Variants in MYRIP observed in about 807,000 individuals in gnomAD.
MYRIP encodes rab effector MyRIP.
MYRIP carries 49 observed loss-of-function variants against 98.0 expected under a neutral mutation model. That is an observed-to-expected ratio of 0.50 (90% CI 0.40 to 0.63). MYRIP has a LOEUF of 0.63. Among genes scored for constraint, MYRIP ranks in the 30% least tolerant of loss-of-function variants. The pLI is 0.00. For synonymous variants in MYRIP, 404 were observed against 409.5 expected, an observed-to-expected ratio of 0.99 and a Z score of 0.16; for missense variants, 1,004 against 1,058.2, an observed-to-expected ratio of 0.95 and a Z score of 0.71.
Position 40,258,322 on chromosome 3 carries a change from T to C in MYRIP, c.*156T>C. The C allele has an allele frequency of 2.5e-6, 2 of 790,936 alleles. No individual in the cohort carries two copies. Among genetic ancestry groups the C allele is most frequent in the Admixed American group, 4.3e-5 (2 of 46,942 alleles). 49.0% of individuals were successfully genotyped at this position (790,936 alleles called of 1,614,324 possible). A position where few individuals can be genotyped will look rare whatever the true frequency, so the allele number is the denominator to read the frequency against. ...TGCACAGGGCTGTCCTGATACCTCA[T>C]CCAGAAAGCCGTCTCAGACTTCAGC... On this transcript the variant is annotated 3_prime_UTR_variant, in exon 17 of 17. Coordinates refer to ENST00000302541, the MANE Select transcript of MYRIP (RefSeq NM_015460.4).
chr3:39,849,105 A>G (rs1355216068), intron 1 of MYRIP, among the ~76,000 whole-genome samples: 2 of 152,198 alleles, frequency 1.3e-5, no homozygotes, highest in African/African-American at 2.4e-5. Flanking sequence ...ATCCTATAGG[A>G]TATAGATATA....
intron 2 of MYRIP, among the ~76,000 whole-genome samples, chr3:39,983,287 G>A (rs531215009): frequency 3.9e-5 from 6 of 152,288 alleles, no homozygotes; most frequent in Admixed American, 1.3e-4. Flanking sequence ...GCAGAGGAAA[G>A]CAAATCTAAA....
At chr3:40,102,340 T>C (rs1351931335) in intron 3 of MYRIP, among the ~76,000 whole-genome samples, 2 of 152,222 alleles carry the variant, frequency 1.3e-5, no homozygotes, top group Non-Finnish European at 2.9e-5. Flanking sequence ...TTGTAATTCC[T>C]GAGCCTTGAT....
Position 40,162,925 on chromosome 3 carries a change from A to C in MYRIP, c.550+115A>C. On this transcript the variant is annotated intron_variant, in intron 5 of 16. Transcript: ENST00000302541. ...ATTGTTACCCCAGATGCAACTATCTACTACTGTGTGTGAGTCTCCCTGGGT... is the reference window on the plus strand; with the variant it reads ...ATTGTTACCCCAGATGCAACTATCTCCTACTGTGTGTGAGTCTCCCTGGGT... 3.3e-6 allele frequency: 3 copies of C among 898,978 alleles called. No individual in the cohort carries two copies. The South Asian group carries it at 4.5e-5, about 14-fold the overall frequency. 55.7% of individuals were successfully genotyped at this position (898,978 alleles called of 1,614,324 possible).
intron 11 of MYRIP, among the ~76,000 whole-genome samples, chr3:40,221,941 G>C (rs968919694): frequency 3.9e-5 from 6 of 152,216 alleles, no homozygotes; most frequent in Non-Finnish European, 8.8e-5. Context: ...TCAGATAACA[G>C]ATGGGACATA....
intron 2 of MYRIP, among the ~76,000 whole-genome samples, chr3:39,990,488 T>C (rs1169862970): frequency 6.6e-6 from 1 of 152,200 alleles, no homozygotes; most frequent in Non-Finnish European, 1.5e-5. Flanking sequence ...TAAAGATAGC[T>C]CACTGCTCAT....
At chr3:40,038,910 C>T (rs1433603181) in intron 2 of MYRIP, among the ~76,000 whole-genome samples, 14 of 152,062 alleles carry the variant, frequency 9.2e-5, no homozygotes, top group Admixed American at 8.5e-4. Context: ...TCTAACCAGC[C>T]ATGAAGGGCC....
intron 1 of MYRIP, among the ~76,000 whole-genome samples, chr3:39,895,270 T>A (rs1943577476): frequency 6.6e-6 from 1 of 151,954 alleles, no homozygotes; most frequent in Non-Finnish European, 1.5e-5. Context: ...TACTGCAACC[T>A]TCGCCTCCCG....
chr3:39,897,983 A>G (rs1024510536), intron 1 of MYRIP, among the ~76,000 whole-genome samples: 1 of 152,152 alleles, frequency 6.6e-6, no homozygotes, highest in African/African-American at 2.4e-5. Context: ...GGAAACTCCA[A>G]AATGCCATTA....
At position 40,115,630 on chromosome 3, in the gene MYRIP, C is replaced by T. The variant is rs957985878; in HGVS notation, c.333-35418C>T. 1.2e-4 allele frequency among the ~76,000 whole-genome samples: 18 copies of T among 152,154 alleles called. No individual in the cohort carries two copies. The South Asian group carries it at 3.7e-3, about 32-fold the overall frequency. Reference sequence around the variant, plus strand: ...AGAGCCAAACCACATCACTAAGGATCCAGAGTTAGAATCTAAGAACTGAGC... The same window carrying T: ...AGAGCCAAACCACATCACTAAGGATTCAGAGTTAGAATCTAAGAACTGAGC... On this transcript the variant is annotated intron_variant, in intron 3 of 16. Transcript: ENST00000302541.
intron 3 of MYRIP, among the ~76,000 whole-genome samples, chr3:40,110,703 C>T (rs551650171): frequency 5.3e-4 from 80 of 152,242 alleles, no homozygotes; most frequent in African/African-American, 1.9e-3. Flanking sequence ...ACATACATGT[C>T]CAAGGCTGGG....
chr3:40,152,787 C>T lies in MYRIP; in HGVS notation c.469+1603C>T, dbSNP rs1040608216. Among the ~76,000 whole-genome samples the T allele has an allele frequency of 2.0e-5, 3 of 152,066 alleles. No homozygotes were observed. The East Asian group carries it at 5.8e-4, about 29-fold the overall frequency. On this transcript the variant is annotated intron_variant, in intron 4 of 16. Coordinates refer to ENST00000302541, the MANE Select transcript of MYRIP (RefSeq NM_015460.4). ...AAGCGTGGCTCAAGGCCTGGCACAT[C>T]TTATATCCTCATTATTGTACTAGTT...
At chr3:39,817,110 G>A (rs993487582) in intron 1 of MYRIP, among the ~76,000 whole-genome samples, 8 of 152,186 alleles carry the variant, frequency 5.3e-5, no homozygotes, top group Non-Finnish European at 1.0e-4. Context: ...ATTCATTGTA[G>A]AATAGAATTG....
At chr3:39,872,088 T>C (rs1942809819) in intron 1 of MYRIP, among the ~76,000 whole-genome samples, 1 of 152,046 alleles carries the variant, frequency 6.6e-6, no homozygotes. Flanking sequence ...TTTTCTAATC[T>C]TCCAGCTTTA....
intron 1 of MYRIP, among the ~76,000 whole-genome samples, chr3:39,842,742 G>A (rs1157537783): frequency 6.6e-6 from 1 of 150,808 alleles, no homozygotes; most frequent in Non-Finnish European, 1.5e-5. Flanking sequence ...CGCTTCCCAG[G>A]TGAGGTGATT....
chr3:39,918,662 A>G (rs1176057139), intron 2 of MYRIP, among the ~76,000 whole-genome samples: 2 of 152,242 alleles, frequency 1.3e-5, no homozygotes, highest in East Asian at 3.8e-4. Context: ...ATTAATGTGC[A>G]TGAAAGTCTT....
intron 3 of MYRIP, among the ~76,000 whole-genome samples, chr3:40,145,853 T>C (rs888387546): frequency 6.6e-6 from 1 of 152,310 alleles, no homozygotes; most frequent in Non-Finnish European, 1.5e-5. Context: ...ACTGAAGATG[T>C]CATGGGAGAA....
chr3:40,004,402 G>T lies in MYRIP; in HGVS notation c.111-39648G>T, dbSNP rs545478368. ...ATCAGGTGTGGGCCATTGAGCCCGG[G>T]CCATACCATGTCAGGCCCACTCAGG... is the stretch of plus-strand genomic sequence containing the variant. On this transcript the variant is annotated intron_variant, in intron 2 of 16. Coordinates refer to ENST00000302541, the MANE Select transcript of MYRIP (RefSeq NM_015460.4). Among the ~76,000 whole-genome samples, 5 of 152,312 alleles carry T rather than the reference G, an allele frequency of 3.3e-5. No individual in the cohort carries two copies. The South Asian group carries it at 1.0e-3, about 32-fold the overall frequency.
At chr3:40,172,077 T>C (rs1218680311) in intron 8 of MYRIP, among the ~76,000 whole-genome samples, 3 of 152,188 alleles carry the variant, frequency 2.0e-5, no homozygotes, top group African/African-American at 7.2e-5. Context: ...AACGTGGGAA[T>C]TATGGAAGCC....
Sources: allele counts gnomAD v4.1 joint callset (sites outside exome capture counted in the v4.1 genomes callset), GRCh38; gene constraint gnomAD v4.1.1; transcripts MANE v1.5; gene names NCBI Gene and HGNC (gene_info 2026-07-23, HGNC 2026-07-21).